Variants in CTNND2 observed in about 807,000 individuals in gnomAD.
CTNND2 encodes catenin delta-2.
Under a neutral mutation model 144.4 loss-of-function variants are expected in CTNND2, and 22 were observed. The observed-to-expected ratio is 0.15, with a 90% CI of 0.11 to 0.22. The LOEUF (loss-of-function observed/expected upper bound fraction) is 0.22, where lower values mean the gene tolerates loss of function less well. Among genes scored for constraint, CTNND2 ranks in the 10% least tolerant of loss-of-function variants. The probability of loss-of-function intolerance (pLI) is 1.00; values close to 1 mark genes in which losing one functional copy is unlikely to be tolerated. For missense variants in CTNND2, 1,353 were observed against 1,618.8 expected, an observed-to-expected ratio of 0.84 and a Z score of 2.82; for synonymous variants, 751 against 695.6, an observed-to-expected ratio of 1.08 and a Z score of -1.25.
intron 2 of CTNND2, among the ~76,000 whole-genome samples, chr5:11,689,534 T>G (rs1320364741): frequency 6.6e-6 from 1 of 152,226 alleles, no homozygotes; most frequent in Non-Finnish European, 1.5e-5. Flanking sequence ...TAGTGTCACT[T>G]TTCAGTAAAT....
intron 1 of CTNND2, among the ~76,000 whole-genome samples, chr5:11,749,532 C>T (rs1651167247): frequency 6.6e-6 from 1 of 151,884 alleles, no homozygotes; most frequent in South Asian, 2.1e-4. Flanking sequence ...TCCTCAGGAG[C>T]CATCTCCAAG....
At chr5:11,298,218 C>T (rs1749217964) in intron 9 of CTNND2, among the ~76,000 whole-genome samples, 1 of 152,154 alleles carries the variant, frequency 6.6e-6, no homozygotes. Flanking sequence ...TGCTCTGTCA[C>T]CCAGGCTGGA....
intron 16 of CTNND2, among the ~76,000 whole-genome samples, chr5:11,054,193 G>A (rs1006371174): frequency 3.3e-5 from 5 of 152,168 alleles, no homozygotes; most frequent in South Asian, 4.1e-4. Context: ...TATGAAGCAC[G>A]AGGACAATGA....
intron 6 of CTNND2, among the ~76,000 whole-genome samples, chr5:11,386,969 C>T (rs1759146602): frequency 6.6e-6 from 1 of 152,116 alleles, no homozygotes; most frequent in African/African-American, 2.4e-5. Context: ...TTGCTTCTCT[C>T]CCAGTGGCAG....
intron 14 of CTNND2, among the ~76,000 whole-genome samples, chr5:11,108,917 G>A (rs932798541): frequency 7.2e-5 from 11 of 152,154 alleles, no homozygotes; most frequent in Non-Finnish European, 1.6e-4. Context: ...TACAAAAGGT[G>A]CAAAAAGTAA....
intron 3 of CTNND2, among the ~76,000 whole-genome samples, chr5:11,476,574 CCATA>C (rs1767763267): frequency 6.6e-6 from 1 of 152,116 alleles, no homozygotes; most frequent in South Asian, 2.1e-4. Context: ...ACAATCTTCC[CCATA>C]CAATCAGCTT....
intron 9 of CTNND2, among the ~76,000 whole-genome samples, chr5:11,278,367 A>C (rs530231767): frequency 1.3e-5 from 2 of 152,178 alleles, no homozygotes; most frequent in East Asian, 3.9e-4. Context: ...TTCATGGAGC[A>C]CCTCTTATGT....
chr5:11,183,651 G>A (rs1735335221), intron 11 of CTNND2, among the ~76,000 whole-genome samples: 1 of 151,430 alleles, frequency 6.6e-6, no homozygotes, highest in Non-Finnish European at 1.5e-5. Flanking sequence ...TCCGCCTCCT[G>A]GGTTCAAGTG....
chr5:11,408,928 C>A (rs1761303117), intron 5 of CTNND2, among the ~76,000 whole-genome samples: 1 of 151,954 alleles, frequency 6.6e-6, no homozygotes, highest in African/African-American at 2.4e-5. Context: ...GACTATTTTA[C>A]TTTATATTAC....
chr5:11,183,273 T>C (rs143285295), intron 11 of CTNND2, among the ~76,000 whole-genome samples: 66 of 152,344 alleles, frequency 4.3e-4, no homozygotes, highest in Middle Eastern at 6.8e-3. Flanking sequence ...TACAACTGTA[T>C]GTTAAATACA....
chr5:11,205,410 T>C (rs1219514386), intron 10 of CTNND2, among the ~76,000 whole-genome samples: 1 of 152,222 alleles, frequency 6.6e-6, no homozygotes, highest in Non-Finnish European at 1.5e-5. Context: ...TTTTCAATGG[T>C]ACTGGCTTTG....
intron 2 of CTNND2, among the ~76,000 whole-genome samples, chr5:11,729,128 G>A (rs1214418646): frequency 2.0e-5 from 3 of 151,578 alleles, no homozygotes; most frequent in African/African-American, 4.8e-5. Context: ...GGCACCTGGG[G>A]CTTCTCTATC....
Position 11,175,009 on chromosome 5 carries a change from G to A in CTNND2, c.1976-15250C>T, listed in dbSNP as rs578142205. 3.3e-5 allele frequency among the ~76,000 whole-genome samples: 5 copies of A among 152,212 alleles called. No homozygotes were observed. The East Asian group carries it at 7.7e-4, about 23-fold the overall frequency. Reference sequence around the variant, plus strand: ...CATTTATCTATTAACTAACCCTTAGGTTAGTATAAAGCTACATTGTTTCCT... The same window carrying A: ...CATTTATCTATTAACTAACCCTTAGATTAGTATAAAGCTACATTGTTTCCT... On this transcript the variant is annotated intron_variant, in intron 11 of 21. Coordinates refer to ENST00000304623, the MANE Select transcript of CTNND2 (RefSeq NM_001332.4).
At chr5:11,351,050 A>G (rs1401485637) in intron 8 of CTNND2, among the ~76,000 whole-genome samples, 2 of 152,218 alleles carry the variant, frequency 1.3e-5, no homozygotes, top group Non-Finnish European at 2.9e-5. Context: ...CTATTTAGAC[A>G]TTGATGTGGC....
chr5:11,302,040 T>C (rs28210), intron 9 of CTNND2, among the ~76,000 whole-genome samples: 131,090 of 152,144 alleles, frequency 0.86, 56,928 homozygotes, highest in East Asian at 0.98. Flanking sequence ...TGGCACACCA[T>C]GAGCTGGAGC....
At chr5:11,736,017 A>G (rs981956173) in intron 1 of CTNND2, among the ~76,000 whole-genome samples, 1 of 152,138 alleles carries the variant, frequency 6.6e-6, no homozygotes, top group Non-Finnish European at 1.5e-5. Context: ...TCTTATCAAC[A>G]TATTTTTGAC....
chr5:11,082,307 G>A (rs1749657987), intron 16 of CTNND2, among the ~76,000 whole-genome samples: 1 of 152,198 alleles, frequency 6.6e-6, no homozygotes, highest in Non-Finnish European at 1.5e-5. Context: ...GGATTAAAGG[G>A]CTAGTGGTCT....
At chr5:11,208,684 A>C (rs1738303338) in intron 10 of CTNND2, among the ~76,000 whole-genome samples, 3 of 152,194 alleles carry the variant, frequency 2.0e-5, no homozygotes, top group Admixed American at 6.5e-5. Flanking sequence ...AACATAAAAC[A>C]AAAAAGCACT....
intron 9 of CTNND2, among the ~76,000 whole-genome samples, chr5:11,276,809 G>C (rs369577743): frequency 6.6e-6 from 1 of 152,146 alleles, no homozygotes; most frequent in Non-Finnish European, 1.5e-5. Flanking sequence ...CACACAGAGA[G>C]GAAGGCCACG....
Sources: gnomAD v4.1 joint callset for allele counts (sites outside exome capture counted in the v4.1 genomes callset) on GRCh38, gnomAD v4.1.1 for gene constraint, MANE v1.5 for transcripts, NCBI Gene and HGNC (gene_info 2026-07-23, HGNC 2026-07-21) for gene names.